The following ARSB variants were observed in gnomAD, a reference collection of about 807,000 sequenced individuals.
ARSB encodes the protein N-acetylgalactosamine-4-sulfatase.
A neutral mutation model predicts 50.9 loss-of-function variants in ARSB; 41 were observed. The observed-to-expected ratio is 0.81, with a 90% CI of 0.63 to 1.04. ARSB has a LOEUF of 1.04. Among genes scored for constraint, ARSB ranks in the 50% least tolerant of loss-of-function variants. ARSB has a pLI of 0.00. For missense variants in ARSB, 672 were observed against 693.3 expected, an observed-to-expected ratio of 0.97 and a Z score of 0.35; for synonymous variants, 269 against 284.8, an observed-to-expected ratio of 0.94 and a Z score of 0.56.
Position 78,798,867 on chromosome 5 carries a change from A to G in ARSB, c.1214-16893T>C, listed in dbSNP as rs73767414. Among the ~76,000 whole-genome samples the G allele has an allele frequency of 8.3e-3, 1,269 of 152,272 alleles. 13 individuals carry two copies. The highest frequency in any genetic ancestry group is 0.029 in the African/African-American group (1,197 of 41,550). On this transcript the variant is annotated intron_variant, in intron 6 of 7. Coordinates refer to ENST00000264914, the MANE Select transcript of ARSB (RefSeq NM_000046.5). ...GGTGTTCTTCCAAGGGCAGCCCTCC[A>G]CAACATTGCTGTCCATGGCCCAAAC...
chr5:78,805,196 G>A (rs1036553195), intron 6 of ARSB, among the ~76,000 whole-genome samples: 8 of 152,150 alleles, frequency 5.3e-5, no homozygotes, highest in Non-Finnish European at 8.8e-5. Flanking sequence ...TTGCTGAGTC[G>A]CATAACAAGC....
At chr5:78,945,460 C>T (rs749219878) in intron 4 of ARSB, among the ~76,000 whole-genome samples, 1 of 152,174 alleles carries the variant, frequency 6.6e-6, no homozygotes, top group Admixed American at 6.5e-5. Context: ...CTCTTATCTC[C>T]ATCCACCTTC....
intron 2 of ARSB, among the ~76,000 whole-genome samples, chr5:78,967,598 G>A (rs568036429): frequency 2.3e-3 from 349 of 151,770 alleles, no homozygotes; most frequent in Non-Finnish European, 3.4e-3. Flanking sequence ...GCTTGAACCC[G>A]GGAGGCGGAG....
intron 6 of ARSB, among the ~76,000 whole-genome samples, chr5:78,807,440 A>G (rs894837192): frequency 1.3e-5 from 2 of 152,296 alleles, no homozygotes; most frequent in East Asian, 3.9e-4. Flanking sequence ...CTACAACCTC[A>G]GGAAAGCATA....
intron 4 of ARSB, among the ~76,000 whole-genome samples, chr5:78,933,329 C>T: frequency 6.6e-6 from 1 of 152,168 alleles, no homozygotes; most frequent in Non-Finnish European, 1.5e-5. Flanking sequence ...TAGAAGAAAT[C>T]AGTCCATGGA....
At chr5:78,883,659 T>C (rs1188460016) in intron 5 of ARSB, 1 of 152,186 alleles carries the variant, frequency 6.6e-6, no homozygotes, top group African/African-American at 2.4e-5. Flanking sequence ...AATCAGATTT[T>C]CCCTTGGGTT....
chr5:78,897,474 T>C (rs1172611024), intron 4 of ARSB, among the ~76,000 whole-genome samples: 1 of 152,184 alleles, frequency 6.6e-6, no homozygotes, highest in Non-Finnish European at 1.5e-5. Context: ...TTAACACAGT[T>C]TGGGGTCTGG....
chr5:78,876,618 A>C (rs1197525455), intron 5 of ARSB, among the ~76,000 whole-genome samples: 1 of 152,202 alleles, frequency 6.6e-6, no homozygotes, highest in Non-Finnish European at 1.5e-5. Flanking sequence ...TGAGTTGAGC[A>C]GACAGAGCTG....
intron 3 of ARSB, 143 bp from the exon 4 acceptor site, chr5:78,955,645 G>A (rs1751691842): frequency 2.7e-6 from 2 of 736,418 alleles, no homozygotes; most frequent in South Asian, 1.5e-5. Context: ...TGAATCACAT[G>A]TATGATAAGG....
chr5:78,975,921 G>T lies in ARSB; in HGVS notation c.313-6729C>A, dbSNP rs558672902. ...GTATTAGGAATAACAAAGGTATAATGAATATTTTGTATAGAATAAAGTCAA... is the reference window on the plus strand; with the variant it reads ...GTATTAGGAATAACAAAGGTATAATTAATATTTTGTATAGAATAAAGTCAA... On this transcript the variant is annotated intron_variant, in intron 1 of 7. Transcript: ENST00000264914. Among the ~76,000 whole-genome samples the T allele has an allele frequency of 2.1e-4, 32 of 152,260 alleles. No homozygotes were observed. In the South Asian group the frequency reaches 6.6e-3, roughly 32 times the overall value.
intron 3 of ARSB, 34 bp from the exon 4 acceptor site, chr5:78,955,536 G>T: frequency 6.5e-7 from 1 of 1,544,488 alleles, no homozygotes; most frequent in South Asian, 1.1e-5. Flanking sequence ...CAGTTAAGAG[G>T]ATATTGAAGC....
At chr5:78,811,098 C>T (rs532542430) in intron 6 of ARSB, among the ~76,000 whole-genome samples, 15 of 152,280 alleles carry the variant, frequency 9.9e-5, no homozygotes, top group African/African-American at 3.4e-4. Context: ...CAGAAGCATG[C>T]GTTTGACACT....
At chr5:78,805,951 T>G (rs533433231) in intron 6 of ARSB, among the ~76,000 whole-genome samples, 1 of 152,246 alleles carries the variant, frequency 6.6e-6, no homozygotes, top group Admixed American at 6.5e-5. Context: ...CTTGTTGCTT[T>G]CTAGCTGTGC....
intron 6 of ARSB, among the ~76,000 whole-genome samples, chr5:78,824,539 G>A (rs1280788939): frequency 1.3e-5 from 2 of 152,112 alleles, no homozygotes; most frequent in Admixed American, 1.3e-4. Flanking sequence ...TGCACATTCA[G>A]GTATGAAAGG....
intron 5 of ARSB, among the ~76,000 whole-genome samples, chr5:78,876,369 T>C (rs573727044): frequency 1.3e-5 from 2 of 152,340 alleles, no homozygotes; most frequent in African/African-American, 4.8e-5. Context: ...CTTTGGATAC[T>C]TCTGCTTCCA....
At chr5:78,956,614 C>G (rs192848336) in intron 3 of ARSB, among the ~76,000 whole-genome samples, 39 of 152,122 alleles carry the variant, frequency 2.6e-4, no homozygotes, top group African/African-American at 9.4e-4. Context: ...CTCAATGGAC[C>G]TAATCCAAAC....
intron 4 of ARSB, among the ~76,000 whole-genome samples, chr5:78,918,900 G>C (rs556740729): frequency 6.6e-6 from 1 of 152,080 alleles, no homozygotes. Context: ...CCCCTCTGCC[G>C]ATGAAAGTTA....
chr5:78,869,588 A>G (rs1015844088), intron 5 of ARSB, among the ~76,000 whole-genome samples: 172 of 152,050 alleles, frequency 1.1e-3, no homozygotes, highest in African/African-American at 4.0e-3. Flanking sequence ...AAATGAAGGC[A>G]GAAGTAAAGA....
At position 78,784,856 on chromosome 5, in the gene ARSB, T is replaced by C. The variant is rs186098994; in HGVS notation, c.1214-2882A>G. 2.7e-3 allele frequency among the ~76,000 whole-genome samples: 400 copies of C among 150,834 alleles called. 1 individual carries two copies. Among genetic ancestry groups the C allele is most frequent in the African/African-American group, 9.5e-3 (388 of 40,950 alleles). On this transcript the variant is annotated intron_variant, in intron 6 of 7. Transcript: ENST00000264914. ...CTCTGTCACCCAGGCTGGAGTGCAG[T>C]GGTGCGATCTTGGCTCACTGCAACC...
Sources: allele counts gnomAD v4.1 joint callset (sites outside exome capture counted in the v4.1 genomes callset), GRCh38; gene constraint gnomAD v4.1.1; transcripts MANE v1.5; gene names NCBI Gene and HGNC (gene_info 2026-07-23, HGNC 2026-07-21).